The following CAMTA1 variants were observed in gnomAD, a reference collection of about 807,000 sequenced individuals.
CAMTA1 encodes the protein calmodulin-binding transcription activator 1.
CAMTA1 carries 27 observed loss-of-function variants against 170.9 expected under a neutral mutation model. That is an observed-to-expected ratio of 0.16 (90% CI 0.12 to 0.22). CAMTA1 has a LOEUF of 0.22. CAMTA1 is among the 10% of genes least tolerant of loss of function. CAMTA1 has a pLI of 1.00. For missense variants in CAMTA1, 1,619 were observed against 2,217.2 expected, an observed-to-expected ratio of 0.73 and a Z score of 5.42; for synonymous variants, 833 against 891.5, an observed-to-expected ratio of 0.93 and a Z score of 1.17.
At chr1:7,211,098 A>C (rs1314160404) in intron 4 of CAMTA1, among the ~76,000 whole-genome samples, 1 of 152,234 alleles carries the variant, frequency 6.6e-6, no homozygotes, top group Non-Finnish European at 1.5e-5. Flanking sequence ...TCTTTATCAT[A>C]GATCTATTCA....
rs1644374936 is a variant in CAMTA1, at chr1:7,117,032, A to G, written c.302+25661A>G. ...TGCCCAGGCTGGAGTGCAGTGGCAC[A>G]GTCTCGGCTCACTGCATCCTCCACC... On this transcript the variant is annotated intron_variant, in intron 4 of 22. Transcript: ENST00000303635. 2.6e-5 allele frequency among the ~76,000 whole-genome samples: 4 copies of G among 151,144 alleles called. No homozygotes were observed. The South Asian group carries it at 8.4e-4, about 32-fold the overall frequency.
intron 5 of CAMTA1, among the ~76,000 whole-genome samples, chr1:7,437,346 C>T (rs145315282): frequency 3.9e-5 from 6 of 152,292 alleles, no homozygotes; most frequent in East Asian, 1.9e-4. Context: ...CTCCTGAGGG[C>T]GGTGAGGAAA....
chr1:7,577,522 A>G (rs1192101126), intron 6 of CAMTA1, among the ~76,000 whole-genome samples: 1 of 151,418 alleles, frequency 6.6e-6, no homozygotes, highest in Non-Finnish European at 1.5e-5. Context: ...CCATCTAGAC[A>G]CGTGCCCAGG....
At chr1:6,817,480 G>A (rs1645961956) in intron 1 of CAMTA1, among the ~76,000 whole-genome samples, 1 of 152,162 alleles carries the variant, frequency 6.6e-6, no homozygotes, top group African/African-American at 2.4e-5. Flanking sequence ...ATCTTCCCAT[G>A]AACCACTTTT....
intron 5 of CAMTA1, among the ~76,000 whole-genome samples, chr1:7,416,226 C>A (rs1401906570): frequency 6.6e-6 from 1 of 152,006 alleles, no homozygotes; most frequent in Non-Finnish European, 1.5e-5. Context: ...GTGAATCTGA[C>A]AATTATGTGT....
At chr1:7,700,791 G>C (rs1236253927) in intron 11 of CAMTA1, 4 of 152,244 alleles carry the variant, frequency 2.6e-5, no homozygotes, top group Non-Finnish European at 1.5e-5. Context: ...GTACAGGCCA[G>C]TGCAAAGCAC....
At chr1:7,677,517 G>A (rs1203497683) in intron 10 of CAMTA1, 82 bp from the exon 11 acceptor site, 12 of 1,463,794 alleles carry the variant, frequency 8.2e-6, no homozygotes, top group Middle Eastern at 1.8e-4. Context: ...TAGTGGGGAG[G>A]GGACATTCCA....
intron 7 of CAMTA1, among the ~76,000 whole-genome samples, chr1:7,657,660 T>C (rs2149104498): frequency 6.6e-6 from 1 of 152,320 alleles, no homozygotes; most frequent in Admixed American, 6.5e-5. Flanking sequence ...CACTGATTCA[T>C]TCCGTGTTGG....
At chr1:7,058,858 TACACACACACATAC>T (rs1057414184) in intron 3 of CAMTA1, among the ~76,000 whole-genome samples, 22 of 147,682 alleles carry the variant, frequency 1.5e-4, no homozygotes, top group Non-Finnish European at 1.8e-4. Flanking sequence ...AAGAATGGTG[TACACACACACATAC>T]ACACACACAC....
At chr1:7,268,394 C>T (rs1177030144) in intron 5 of CAMTA1, among the ~76,000 whole-genome samples, 1 of 152,160 alleles carries the variant, frequency 6.6e-6, no homozygotes, top group Non-Finnish European at 1.5e-5. Flanking sequence ...CCACTGTGGG[C>T]CAGAAGCTAA....
intron 6 of CAMTA1, among the ~76,000 whole-genome samples, chr1:7,636,334 G>A (rs374049930): frequency 6.6e-6 from 1 of 152,186 alleles, no homozygotes; most frequent in South Asian, 2.1e-4. Flanking sequence ...CACTGCCTGC[G>A]TCAGGCTCTC....
In CAMTA1 at chr1:7,615,312, C is replaced by A. The variant is rs373385469; in HGVS notation, c.511-25088C>A. ...GGGCAATGCAGGCCTCATACCCCACCAGTCCCTCCCTCCAACTGATGCTAA... is the reference window on the plus strand; with the variant it reads ...GGGCAATGCAGGCCTCATACCCCACAAGTCCCTCCCTCCAACTGATGCTAA... On this transcript the variant is annotated intron_variant, in intron 6 of 22. Coordinates refer to ENST00000303635, the MANE Select transcript of CAMTA1 (RefSeq NM_015215.4). Among the ~76,000 whole-genome samples, 21 of 152,338 alleles carry A rather than the reference C, an allele frequency of 1.4e-4. No homozygotes were observed. In the East Asian group the frequency reaches 3.1e-3, roughly 22 times the overall value.
In CAMTA1 at chr1:7,409,268, C is replaced by T. The variant is rs144410193; in HGVS notation, c.439-58562C>T. On this transcript the variant is annotated intron_variant, in intron 5 of 22. Coordinates refer to ENST00000303635, the MANE Select transcript of CAMTA1 (RefSeq NM_015215.4). Reference sequence around the variant, plus strand: ...AAGAGGGGGATGGTGGGAAAGAGCACGACCTGATTGTCCGAATACTTCTTC... The same window carrying T: ...AAGAGGGGGATGGTGGGAAAGAGCATGACCTGATTGTCCGAATACTTCTTC... Among the ~76,000 whole-genome samples, 18 of 152,294 alleles carry T rather than the reference C, an allele frequency of 1.2e-4. 1 individual carries two copies. In the East Asian group the frequency reaches 2.1e-3, roughly 18 times the overall value.
chr1:7,103,172 T>C (rs2148269165), intron 4 of CAMTA1, among the ~76,000 whole-genome samples: 1 of 151,866 alleles, frequency 6.6e-6, no homozygotes, highest in Admixed American at 6.5e-5. Context: ...CCTACCTGAG[T>C]AGCTATTATT....
intron 7 of CAMTA1, among the ~76,000 whole-genome samples, chr1:7,653,498 A>G (rs1201654835): frequency 6.6e-6 from 1 of 152,144 alleles, no homozygotes; most frequent in Admixed American, 6.5e-5. Context: ...CCTGGGCTCA[A>G]GTGATCCACC....
intron 3 of CAMTA1, among the ~76,000 whole-genome samples, chr1:6,929,159 TTTC>T (rs1683906258): frequency 6.6e-6 from 1 of 152,162 alleles, no homozygotes; most frequent in Non-Finnish European, 1.5e-5. Flanking sequence ...GTTCTTTTCT[TTTC>T]TTCTCTTTTT....
In CAMTA1 at chr1:7,482,096, A is replaced by C. The variant is rs2093548139; in HGVS notation, c.510+14195A>C. 2.0e-5 allele frequency among the ~76,000 whole-genome samples: 3 copies of C among 152,128 alleles called. No homozygotes were observed. In the South Asian group the frequency reaches 6.2e-4, roughly 32 times the overall value. On this transcript the variant is annotated intron_variant, in intron 6 of 22. Coordinates refer to ENST00000303635, the MANE Select transcript of CAMTA1 (RefSeq NM_015215.4). This position sits in a 1 kb window ranked among gnomAD's most constrained non-coding sequence, Gnocchi z 4.2. The stretch of plus-strand genomic sequence containing the variant: ...TCCTGCAGTATATGCACTCAGGTAT[A>C]TACTTGGCTTCTTTCACTCCACATC...
At chr1:6,958,395 C>G (rs1329237954) in intron 3 of CAMTA1, among the ~76,000 whole-genome samples, 1 of 152,210 alleles carries the variant, frequency 6.6e-6, no homozygotes, top group African/African-American at 2.4e-5. Flanking sequence ...GACCCCCTGG[C>G]CACCTCTGCT....
chr1:6,847,234 GC>G (rs1424137222), intron 3 of CAMTA1, among the ~76,000 whole-genome samples: 2 of 152,026 alleles, frequency 1.3e-5, no homozygotes, highest in African/African-American at 4.8e-5. Flanking sequence ...CGAACTCCTG[GC>G]CTCAAGTGAA....
Sources: allele counts gnomAD v4.1 joint callset (sites outside exome capture counted in the v4.1 genomes callset), GRCh38; gene constraint gnomAD v4.1.1; non-coding constraint Gnocchi (gnomAD v3.1); transcripts MANE v1.5; gene names NCBI Gene and HGNC (gene_info 2026-07-23, HGNC 2026-07-21).